The following SH3YL1 variants were observed in gnomAD, a reference collection of about 807,000 sequenced individuals.
The protein encoded by SH3YL1 is SH3 and SYLF domain containing 1, also known as SH3 domain-containing YSC84-like protein 1.
SH3YL1 carries 41 observed loss-of-function variants against 45.8 expected under a neutral mutation model. That is an observed-to-expected ratio of 0.89 (90% CI 0.70 to 1.16). The LOEUF (loss-of-function observed/expected upper bound fraction) is 1.16. SH3YL1 is among the 50% of genes most tolerant of loss of function. The pLI is 0.00. For missense variants in SH3YL1, 389 were observed against 409.6 expected (o/e 0.95, Z 0.43); for synonymous variants, 152 against 151.4 (o/e 1.00, Z -0.03).
intron 8 of SH3YL1, among the ~76,000 whole-genome samples, chr2:229,318 A>G (rs1667926610): frequency 6.6e-6 from 1 of 152,218 alleles, no homozygotes; most frequent in African/African-American, 2.4e-5. Context: ...GTATGATAAG[A>G]AAAAAACAGG....
At chr2:247,649 G>A (rs745973000) in intron 3 of SH3YL1, 47 bp from the exon 4 acceptor site, 31 of 1,438,476 alleles carry the variant, frequency 2.2e-5, no homozygotes, top group Middle Eastern at 1.7e-4. Flanking sequence ...AAACACCCTC[G>A]ACATGTAAAT....
At chr2:243,825 G>T (rs180808017) in intron 4 of SH3YL1, among the ~76,000 whole-genome samples, 47 of 152,158 alleles carry the variant, frequency 3.1e-4, no homozygotes, top group Admixed American at 6.5e-5. Context: ...TAATGTCTCT[G>T]TATATTGAAA....
At chr2:253,255 A>G (rs192387196) in intron 1 of SH3YL1, 140 bp from the exon 2 acceptor site, 1 of 592,158 alleles carries the variant, frequency 1.7e-6, no homozygotes, top group Non-Finnish European at 2.9e-6. Context: ...GAGCTGGGTG[A>G]AATAAGGCTG....
Position 249,766 on chromosome 2 carries a change from C to T in SH3YL1, c.191G>A (p.Gly64Asp), listed in dbSNP as rs778119242. The T allele has an allele frequency of 1.9e-6, 3 of 1,551,880 alleles. No individual in the cohort carries two copies. Among genetic ancestry groups the T allele is most frequent in the East Asian group, 2.4e-5 (1 of 40,924 alleles). ...AAGGCGCGCCACTACAATCCCGCTG[C>T]CTCCTCTGGCAGTCACCAGGAACCC... The part of the protein sequence containing the change: ...KAGFLVTARG[G>D]SGIVVARLPD... The change falls in exon 3 of 10, where the codon GGC (glycine) becomes GAC (aspartate). Residue 64 changes from glycine (G) to aspartate (D), a missense_variant. Transcript: ENST00000356150.
At chr2:251,065 A>T (rs1258382494) in intron 2 of SH3YL1, among the ~76,000 whole-genome samples, 2 of 152,176 alleles carry the variant, frequency 1.3e-5, no homozygotes, top group Non-Finnish European at 2.9e-5. Context: ...GGAATATTAG[A>T]TATTAACAAA....
At chr2:257,705 C>T (rs763672369) in intron 1 of SH3YL1, among the ~76,000 whole-genome samples, 1 of 152,196 alleles carries the variant, frequency 6.6e-6, no homozygotes, top group Non-Finnish European at 1.5e-5. Flanking sequence ...TCTGAATCTG[C>T]TGTGATTCTG....
rs1668411564 is a variant in SH3YL1, at chr2:238,685, C to T, written c.292-4413G>A. ...ACTTTCTGAGCTTTGGGCTTTGCTA[C>T]AACTGTCATCCAAAAAGAAACCGTT... On this transcript the variant is annotated intron_variant, in intron 4 of 9. Transcript: ENST00000356150. Among the ~76,000 whole-genome samples, 3 of 152,134 alleles carry T rather than the reference C, an allele frequency of 2.0e-5. No individual in the cohort carries two copies. In the South Asian group the frequency reaches 6.2e-4, roughly 31 times the overall value.
Position 247,579 on chromosome 2 carries a change from C to A in SH3YL1, c.250G>T (p.Gly84Trp). 1.3e-6 allele frequency: 2 copies of A among 1,551,674 alleles called. No individual in the cohort carries two copies. The highest frequency in any genetic ancestry group is 1.7e-6 in the Non-Finnish European group (2 of 1,146,948). Residue 84 changes from glycine (G) to tryptophan (W), a missense_variant, in exon 4 of 10, where the codon GGG becomes TGG. By Grantham distance (184) the Gly-to-Trp change is radical (BLOSUM62 -2). Coordinates refer to ENST00000356150, the MANE Select transcript of SH3YL1 (RefSeq NM_015677.4). Reference sequence around the variant, plus strand: ...AATCCTCCACCAAGGCCAGCTATCCCAATGGCTGAGGGTGCAGACCATTCT... The same window carrying A: ...AATCCTCCACCAAGGCCAGCTATCCAAATGGCTGAGGGTGCAGACCATTCT... Reference protein sequence around the residue: ...DGKWSAPSAIGIAGLGGGFEI... With the variant: ...DGKWSAPSAIWIAGLGGGFEI...
At chr2:239,698 A>G (rs1162319705) in intron 4 of SH3YL1, 3 of 152,242 alleles carry the variant, frequency 2.0e-5, no homozygotes, top group African/African-American at 7.2e-5. Flanking sequence ...GAATGTATCT[A>G]CAAATCAGAA....
chr2:263,939 G>C, intron 1 of SH3YL1, 45 bp downstream of exon 1: 1 of 1,460,018 alleles, frequency 6.8e-7, no homozygotes, highest in Non-Finnish European at 9.3e-7. Context: ...CCCAGCTCTT[G>C]AGAGGGGAGG....
At chr2:222,570 A>C (rs564594136) in intron 9 of SH3YL1, 3 of 152,380 alleles carry the variant, frequency 2.0e-5, no homozygotes, top group Non-Finnish European at 4.4e-5. Flanking sequence ...GACGGGGAAG[A>C]ATGCTGACGC....
rs756418746 is a variant in SH3YL1, at chr2:249,837, T to A, written c.120A>T (p.Val40=). ...TTGCAAGGCCTTTAGCCTTCGCAAT[T>A]ACGTGAGCTGTTAACGTGGAAAACA... is the stretch of plus-strand genomic sequence containing the variant. ...NGPDKIIPAH[V]IAKAKGLAIL... is the part of the protein sequence containing the mutation. Residue 40 remains valine, a synonymous_variant, in exon 3 of 10, where the codon GTA becomes GTT. Transcript: ENST00000356150. 4 of 1,550,890 alleles carry A rather than the reference T, an allele frequency of 2.6e-6. No individual in the cohort carries two copies. Among genetic ancestry groups the A allele is most frequent in the Non-Finnish European group, 3.5e-6 (4 of 1,145,914 alleles).
At chr2:252,699 T>G (rs995184729) in intron 2 of SH3YL1, among the ~76,000 whole-genome samples, 4 of 152,194 alleles carry the variant, frequency 2.6e-5, no homozygotes, top group Non-Finnish European at 5.9e-5. Context: ...TCACGTGCTG[T>G]GATTAATTAA....
intron 4 of SH3YL1, among the ~76,000 whole-genome samples, chr2:245,967 G>A (rs916112815): frequency 2.0e-5 from 3 of 152,142 alleles, no homozygotes; most frequent in African/African-American, 4.8e-5. Context: ...AGGCCGAGGT[G>A]GGCGGATCAC....
intron 4 of SH3YL1, chr2:243,653 C>G (rs1287967980): frequency 7.3e-7 from 1 of 1,366,456 alleles, no homozygotes; most frequent in Non-Finnish European, 9.8e-7. Context: ...AAGCAACAGC[C>G]TTGCTTGGAC....
Position 224,965 on chromosome 2 carries a change from T to C in SH3YL1, c.782-45A>G, listed in dbSNP as rs777506991. On this transcript the variant is annotated intron_variant, in intron 8 of 9. Transcript: ENST00000356150. Reference sequence around the variant, plus strand: ...TGGTGATTTTGAAAACTGATTAGTATATATCATACAAAATACACAAAATTG... The same window carrying C: ...TGGTGATTTTGAAAACTGATTAGTACATATCATACAAAATACACAAAATTG... 1.7e-5 allele frequency: 26 copies of C among 1,486,700 alleles called. 1 individual carries two copies. Among genetic ancestry groups the C allele is most frequent in the South Asian group, 1.5e-4 (13 of 86,980 alleles). 92.1% of individuals were successfully genotyped at this position (1,486,700 alleles called of 1,614,324 possible).
chr2:244,270 G>A (rs1039265968), intron 4 of SH3YL1, among the ~76,000 whole-genome samples: 5 of 152,094 alleles, frequency 3.3e-5, no homozygotes, highest in African/African-American at 1.2e-4. Context: ...GCCGAGGCAG[G>A]CGGATCACGA....
intron 3 of SH3YL1, 105 bp from the exon 4 acceptor site, chr2:247,707 A>G: frequency 1.3e-6 from 1 of 795,600 alleles, no homozygotes; most frequent in Non-Finnish European, 2.0e-6. Context: ...TATTGAAAAT[A>G]ATGAGACTTG....
chr2:254,462 T>C (rs938026360), intron 1 of SH3YL1, among the ~76,000 whole-genome samples: 7 of 152,312 alleles, frequency 4.6e-5, no homozygotes, highest in Admixed American at 1.3e-4. Context: ...TCTCACTGTC[T>C]ACAATTAGGA....
Sources: allele counts gnomAD v4.1 joint callset (sites outside exome capture counted in the v4.1 genomes callset), GRCh38; gene constraint gnomAD v4.1.1; transcripts MANE v1.5; gene names NCBI Gene and HGNC (gene_info 2026-07-23, HGNC 2026-07-21).